PARD3B: variants seen among roughly 807,000 people sequenced by gnomAD.
PARD3B encodes the protein par-3 family cell polarity regulator beta, also known as partitioning defective 3 homolog B.
Under a neutral mutation model 130.2 loss-of-function variants are expected in PARD3B, and 103 were observed. The ratio of observed to expected loss-of-function variants is 0.79; its 90% CI spans 0.67 to 0.93. The LOEUF (loss-of-function observed/expected upper bound fraction) is 0.93, where lower values mean the gene tolerates loss of function less well. PARD3B is among the 40% of genes least tolerant of loss of function. The pLI is 0.00. For missense variants in PARD3B, 1,609 were observed against 1,499.2 expected (o/e 1.07, Z -1.21); for synonymous variants, 583 against 553.2 (o/e 1.05, Z -0.76).
At chr2:205,399,133 G>C (rs1242695657) in intron 18 of PARD3B, among the ~76,000 whole-genome samples, 1 of 151,854 alleles carries the variant, frequency 6.6e-6, no homozygotes, top group African/African-American at 2.4e-5. Flanking sequence ...AGCTGGGCAT[G>C]GTGGTGCATG....
intron 2 of PARD3B, among the ~76,000 whole-genome samples, chr2:204,716,758 G>A (rs1419533929): frequency 1.3e-5 from 2 of 151,756 alleles, no homozygotes; most frequent in South Asian, 2.1e-4. Context: ...GAGTAGCTGG[G>A]ACCACAGGCG....
rs191473618 is a variant in PARD3B at position 205,314,020 on chromosome 2, A to G, written c.2630+12319A>G. Reference sequence around the variant, plus strand: ...TAGTTTTATTCATATACATGTAAACATTCCTGAGTTCCTGGTGGGACTGTA... The same window carrying G: ...TAGTTTTATTCATATACATGTAAACGTTCCTGAGTTCCTGGTGGGACTGTA... On this transcript the variant is annotated intron_variant, in intron 18 of 22. Transcript: ENST00000406610. Among the ~76,000 whole-genome samples the G allele has an allele frequency of 2.3e-3, 345 of 152,336 alleles. No homozygotes were observed. In the Middle Eastern group the frequency reaches 0.024, roughly 11 times the overall value.
At chr2:205,202,075 C>T (rs923033902) in intron 15 of PARD3B, among the ~76,000 whole-genome samples, 7 of 152,066 alleles carry the variant, frequency 4.6e-5, no homozygotes, top group African/African-American at 1.4e-4. Flanking sequence ...CCTCCATCCA[C>T]GGCAGGCCTC....
chr2:205,398,064 C>T (rs996138729), intron 18 of PARD3B, among the ~76,000 whole-genome samples: 1 of 151,946 alleles, frequency 6.6e-6, no homozygotes, highest in African/African-American at 2.4e-5. Flanking sequence ...TTTGGGAGGC[C>T]GAGGCAGGCA....
intron 2 of PARD3B, among the ~76,000 whole-genome samples, chr2:204,795,588 A>G (rs139000770): frequency 6.6e-6 from 1 of 152,350 alleles, no homozygotes; most frequent in East Asian, 1.9e-4. Flanking sequence ...AGTACTTGGT[A>G]TCAGCTGGAA....
At chr2:205,408,290 C>G (rs1024853483) in intron 19 of PARD3B, among the ~76,000 whole-genome samples, 2 of 152,072 alleles carry the variant, frequency 1.3e-5, no homozygotes, top group Non-Finnish European at 2.9e-5. Flanking sequence ...CCCACATAAA[C>G]GAAATGCATC....
At chr2:204,657,787 A>G (rs891450272) in intron 1 of PARD3B, among the ~76,000 whole-genome samples, 21 of 152,192 alleles carry the variant, frequency 1.4e-4, no homozygotes, top group African/African-American at 4.3e-4. Context: ...GTATGATCAT[A>G]ATTTTTCTCC....
rs964897652 is a variant in PARD3B at position 205,158,507 on chromosome 2, T to C, written c.1435-215T>C. ...ATCCTCTCTATTGACCATTACCGAA[T>C]AGTATTCCCTGAAACCTCTTCCCCT... is the stretch of plus-strand genomic sequence containing the variant. On this transcript the variant is annotated intron_variant, in intron 10 of 22. Transcript: ENST00000406610. This position sits in a 1 kb window ranked among gnomAD's most constrained non-coding sequence, Gnocchi z 5.4. Among the ~76,000 whole-genome samples, 1 of 152,190 alleles carries C rather than the reference T, an allele frequency of 6.6e-6. No homozygotes were observed. Among genetic ancestry groups the C allele is most frequent in the African/African-American group, 2.4e-5 (1 of 41,456 alleles).
chr2:205,576,947 T>C (rs1319270076), intron 22 of PARD3B, among the ~76,000 whole-genome samples: 1 of 152,212 alleles, frequency 6.6e-6, no homozygotes, highest in Non-Finnish European at 1.5e-5. Flanking sequence ...TCTCCATTTA[T>C]TTAGGTCTTC....
At chr2:205,098,047 T>C (rs1702507286) in intron 4 of PARD3B, among the ~76,000 whole-genome samples, 1 of 152,144 alleles carries the variant, frequency 6.6e-6, no homozygotes, top group Non-Finnish European at 1.5e-5. Context: ...ATACAGTTTG[T>C]TTTACTTTAG....
chr2:205,139,428 A>G (rs372163941), intron 10 of PARD3B, among the ~76,000 whole-genome samples: 1 of 152,338 alleles, frequency 6.6e-6, no homozygotes, highest in East Asian at 1.9e-4. Context: ...AAATATGACT[A>G]TGTCAACACT....
In PARD3B at chr2:204,572,056, G is replaced by A. The variant is rs538066024; in HGVS notation, c.120+25937G>A. ...AAGATCAGTCTTTGAGTAACTTTGC[G>A]GATCTAGAATAGTGCCTTGCAATTG... is the stretch of plus-strand genomic sequence containing the variant. On this transcript the variant is annotated intron_variant, in intron 1 of 22. Transcript: ENST00000406610. Among the ~76,000 whole-genome samples the A allele has an allele frequency of 3.0e-3, 458 of 152,154 alleles. 7 individuals are homozygous for A. Among genetic ancestry groups the A allele is most frequent in the Middle Eastern group, 0.02 (6 of 294 alleles).
intron 2 of PARD3B, among the ~76,000 whole-genome samples, chr2:204,773,124 G>A (rs2041460233): frequency 2.6e-5 from 4 of 151,768 alleles, no homozygotes; most frequent in African/African-American, 9.7e-5. Flanking sequence ...TAACAAACTG[G>A]TAAAAGATAA....
intron 2 of PARD3B, among the ~76,000 whole-genome samples, chr2:204,739,728 G>T (rs2039913520): frequency 6.6e-6 from 1 of 152,174 alleles, no homozygotes; most frequent in African/African-American, 2.4e-5. Context: ...AGGGATTACA[G>T]GTGTGAGCCA....
At chr2:204,829,998 CAA>C (rs745415671) in intron 2 of PARD3B, among the ~76,000 whole-genome samples, 6,769 of 47,254 alleles carry the variant, frequency 0.14, 171 homozygotes, top group African/African-American at 0.25. Context: ...GACTCCGTCT[CAA>C]AAAAAAAAAA....
intron 2 of PARD3B, among the ~76,000 whole-genome samples, chr2:204,842,591 G>T (rs999982820): frequency 2.0e-5 from 3 of 152,082 alleles, no homozygotes; most frequent in African/African-American, 7.3e-5. Context: ...CATTAAGGGG[G>T]TTTTTCCCAT....
chr2:205,528,551 G>A (rs559014228), intron 21 of PARD3B, among the ~76,000 whole-genome samples: 3 of 151,982 alleles, frequency 2.0e-5, no homozygotes, highest in East Asian at 3.9e-4. Flanking sequence ...GAGTGCAGTG[G>A]CACAGTCTCT....
In PARD3B at chr2:204,675,305, C is replaced by T. The variant is rs193269963; in HGVS notation, c.121-10876C>T. Reference sequence around the variant, plus strand: ...CATTTAATCTGCTTAAGTATATTTGCATCAATTATGCATTAAATATCTTTA... The same window carrying T: ...CATTTAATCTGCTTAAGTATATTTGTATCAATTATGCATTAAATATCTTTA... On this transcript the variant is annotated intron_variant, in intron 1 of 22. Transcript: ENST00000406610. The surrounding 1 kb of genome is among the most constrained non-coding windows in gnomAD (Gnocchi z 4.4). 1.5e-3 allele frequency among the ~76,000 whole-genome samples: 234 copies of T among 152,024 alleles called. No individual in the cohort carries two copies. The highest frequency in any genetic ancestry group is 5.2e-3 in the African/African-American group (216 of 41,478).
intron 16 of PARD3B, among the ~76,000 whole-genome samples, chr2:205,286,379 A>G (rs1013645990): frequency 1.3e-5 from 2 of 152,144 alleles, no homozygotes; most frequent in Admixed American, 6.5e-5. Context: ...ATCATCATCA[A>G]TATGATTTTT....
Sources: allele counts gnomAD v4.1 joint callset (sites outside exome capture counted in the v4.1 genomes callset), GRCh38; gene constraint gnomAD v4.1.1; non-coding constraint Gnocchi (gnomAD v3.1); transcripts MANE v1.5; gene names NCBI Gene and HGNC (gene_info 2026-07-23, HGNC 2026-07-21).